DNAJC12: variants seen among roughly 807,000 people sequenced by gnomAD.
The protein encoded by DNAJC12 is DnaJ heat shock protein family (Hsp40) member C12.
A neutral mutation model predicts 28.5 loss-of-function variants in DNAJC12; 25 were observed. The observed-to-expected ratio is 0.88, with a 90% CI of 0.64 to 1.22. DNAJC12 has a LOEUF of 1.22. DNAJC12 is among the 50% of genes most tolerant of loss of function. DNAJC12 has a pLI of 0.00. For missense variants in DNAJC12, 222 were observed against 231.7 expected (o/e 0.96, Z 0.27); for synonymous variants, 77 against 80.6 (o/e 0.95, Z 0.24).
intron 2 of DNAJC12, among the ~76,000 whole-genome samples, chr10:67,819,715 GAAGC>G (rs58728211): frequency 0.23 from 6,781 of 29,432 alleles, 1,251 homozygotes; most frequent in East Asian, 0.41. Context: ...AGGAAGGAAG[GAAGC>G]AAGGAAGGAA....
chr10:67,811,321 G>T, intron 3 of DNAJC12: 1 of 1,392,362 alleles, frequency 7.2e-7, no homozygotes, highest in Non-Finnish European at 9.3e-7. Flanking sequence ...TGTAGTCACA[G>T]GCTCTTCTGG....
At chr10:67,832,862 G>T (rs922846688) in intron 1 of DNAJC12, among the ~76,000 whole-genome samples, 1 of 152,092 alleles carries the variant, frequency 6.6e-6, no homozygotes, top group African/African-American at 2.4e-5. Context: ...TCACCTTAAC[G>T]AAGTGCTCAA....
chr10:67,805,477 A>G, intron 4 of DNAJC12, 106 bp downstream of exon 4: 1 of 1,179,448 alleles, frequency 8.5e-7, no homozygotes, highest in South Asian at 1.7e-5. Flanking sequence ...CAATCTTTAA[A>G]CTTGGCACTG....
chr10:67,826,487 G>T (rs1842031373), intron 1 of DNAJC12, among the ~76,000 whole-genome samples: 1 of 141,322 alleles, frequency 7.1e-6, no homozygotes, highest in African/African-American at 2.6e-5. Context: ...TATATAAGAT[G>T]CTTATATATA....
At chr10:67,798,147 T>C (rs1224592027) in intron 4 of DNAJC12, among the ~76,000 whole-genome samples, 2 of 152,054 alleles carry the variant, frequency 1.3e-5, no homozygotes, top group African/African-American at 4.8e-5. Flanking sequence ...ACTCTAAGGA[T>C]GTTTATAATG....
At chr10:67,813,559 C>T (rs1442893396) in intron 2 of DNAJC12, among the ~76,000 whole-genome samples, 3 of 150,780 alleles carry the variant, frequency 2.0e-5, no homozygotes, top group Non-Finnish European at 4.4e-5. Flanking sequence ...ACCAGTCTGG[C>T]CAACATGGTG....
intron 2 of DNAJC12, among the ~76,000 whole-genome samples, chr10:67,814,674 A>G (rs1170654814): frequency 6.6e-6 from 1 of 152,224 alleles, no homozygotes; most frequent in Non-Finnish European, 1.5e-5. Flanking sequence ...AATAAGACAA[A>G]TAACCCAAAT....
At chr10:67,828,522 G>A (rs1406618597) in intron 1 of DNAJC12, among the ~76,000 whole-genome samples, 1 of 152,074 alleles carries the variant, frequency 6.6e-6, no homozygotes, top group East Asian at 1.9e-4. Flanking sequence ...CTTCCTGTTA[G>A]GAACTGTAAT....
At chr10:67,819,700 AAGGAAGGAAGGAAGG>A (rs1564863283) in intron 2 of DNAJC12, among the ~76,000 whole-genome samples, 225 of 20,972 alleles carry the variant, frequency 0.011, 31 homozygotes, top group African/African-American at 0.02. Context: ...GAAAGAAAGG[AAGGAAGGAAGGAAGG>A]AAGCAAGGAA....
At position 67,811,646 on chromosome 10, in the gene DNAJC12, G is replaced by C. The variant is rs754416367; in HGVS notation, c.175C>G (p.Leu59Val). Residue 59 changes from leucine (L) to valine (V), a missense_variant, in exon 3 of 5, where the codon CTG (leucine) becomes GTG (valine). By Grantham distance (32) the Leu-to-Val change is conservative (BLOSUM62 1). Transcript: ENST00000225171. ...NPKAVETFQK[L>V]QKAKEILTNE... ...GTCAGAATCTCCTTTGCCTTCTGCA[G>C]TTTCTGAAAAGTCTCCACTGGAAAA... 1 of 1,612,914 alleles carries C rather than the reference G, an allele frequency of 6.2e-7. No homozygotes were observed. The highest frequency in any genetic ancestry group is 1.3e-5 in the African/African-American group (1 of 74,844).
intron 4 of DNAJC12, among the ~76,000 whole-genome samples, chr10:67,803,308 C>A (rs757315172): frequency 2.0e-5 from 3 of 152,184 alleles, no homozygotes; most frequent in Non-Finnish European, 4.4e-5. Flanking sequence ...CTGCGTAACA[C>A]AGAGAAATGT....
intron 1 of DNAJC12, chr10:67,834,159 C>T (rs1161999705): frequency 5.3e-6 from 2 of 376,830 alleles, no homozygotes; most frequent in South Asian, 2.2e-5. Flanking sequence ...TAATAAAATG[C>T]CTCAGAGCTA....
intron 2 of DNAJC12, among the ~76,000 whole-genome samples, chr10:67,817,135 G>T (rs930993428): frequency 6.6e-6 from 1 of 152,036 alleles, no homozygotes; most frequent in Admixed American, 6.6e-5. Context: ...TTTACCTTGG[G>T]CTGCTACATA....
chr10:67,804,612 A>G (rs761840481), intron 4 of DNAJC12, among the ~76,000 whole-genome samples: 2 of 152,254 alleles, frequency 1.3e-5, no homozygotes, highest in African/African-American at 2.4e-5. Context: ...AATACAGATA[A>G]TAAGTAGTAG....
At chr10:67,802,323 A>G (rs535635931) in intron 4 of DNAJC12, among the ~76,000 whole-genome samples, 1 of 152,324 alleles carries the variant, frequency 6.6e-6, no homozygotes, top group South Asian at 2.1e-4. Context: ...AGGGAGAGGA[A>G]AAGAAAAGCA....
intron 1 of DNAJC12, among the ~76,000 whole-genome samples, chr10:67,830,189 T>C (rs930905780): frequency 6.6e-6 from 1 of 152,120 alleles, no homozygotes; most frequent in East Asian, 1.9e-4. Flanking sequence ...GCATGGCCTG[T>C]AGTCCCAGCT....
intron 2 of DNAJC12, among the ~76,000 whole-genome samples, chr10:67,815,508 C>CAAAA (rs762037586): frequency 1.5e-4 from 10 of 65,752 alleles, no homozygotes; most frequent in African/African-American, 3.8e-4. Flanking sequence ...TACTTCGTCT[C>CAAAA]AAAAAAAAAA....
chr10:67,802,988 G>A (rs772597430), intron 4 of DNAJC12, among the ~76,000 whole-genome samples: 13 of 148,768 alleles, frequency 8.7e-5, no homozygotes, highest in Non-Finnish European at 1.5e-4. Context: ...TTACAGGCAC[G>A]CACCACCACT....
intron 2 of DNAJC12, among the ~76,000 whole-genome samples, chr10:67,813,806 T>C (rs992156163): frequency 6.7e-5 from 10 of 149,510 alleles, no homozygotes; most frequent in African/African-American, 1.7e-4. Context: ...TTTTAAAAAA[T>C]TGAACAAAAG....
Sources: gnomAD v4.1 joint callset for allele counts (sites outside exome capture counted in the v4.1 genomes callset) on GRCh38, gnomAD v4.1.1 for gene constraint, MANE v1.5 for transcripts, NCBI Gene and HGNC (gene_info 2026-07-23, HGNC 2026-07-21) for gene names.